Variants in FAM98C observed in about 807,000 individuals in gnomAD.
The protein encoded by FAM98C is tRNA splicing ligase complex subunit 3C, also known as protein FAM98C.
FAM98C carries 38 observed loss-of-function variants against 41.1 expected under a neutral mutation model. That is an observed-to-expected ratio of 0.92 (90% CI 0.71 to 1.21). The LOEUF (loss-of-function observed/expected upper bound fraction) is 1.21, where lower values mean the gene tolerates loss of function less well. Ranked by LOEUF, FAM98C falls within the 50% of genes most tolerant of loss-of-function variation. The probability of loss-of-function intolerance (pLI) is 0.00; values close to 1 mark genes in which losing one functional copy is unlikely to be tolerated. For missense variants in FAM98C, 493 were observed against 484.7 expected (o/e 1.02, Z -0.16); for synonymous variants, 195 against 216.7 (o/e 0.90, Z 0.88).
intron 7 of FAM98C, 179 bp from the exon 8 acceptor site, chr19:38,408,572 G>T: frequency 1.3e-6 from 1 of 745,930 alleles, no homozygotes; most frequent in East Asian, 2.8e-5. Context: ...AAAAAGAAAA[G>T]AAAAAAGAAA....
At chr19:38,403,511 A>C in intron 2 of FAM98C, 25 bp downstream of exon 2, 4 of 1,419,060 alleles carry the variant, frequency 2.8e-6, no homozygotes, top group Non-Finnish European at 3.6e-6. Context: ...GGAGGGTGGC[A>C]GGGGGGCCGC....
rs1243725400 is a variant in FAM98C at position 38,403,142 on chromosome 19, G to GACCA, written c.-11_-8dup. ...CACCGGCCGCCAGGGGGCGCGCCGA[G>GACCA]ACCACACTTTCATGGAGGCGGTGAA... On this transcript the variant is annotated 5_prime_UTR_variant, in exon 1 of 8. Transcript: ENST00000252530. 4.6e-6 allele frequency: 7 copies of GACCA among 1,520,318 alleles called. No homozygotes were observed. Among genetic ancestry groups the GACCA allele is most frequent in the Non-Finnish European group, 4.4e-6 (5 of 1,148,806 alleles). The allele number at this position is 1,520,318 out of a possible 1,614,324, so 94.2% of individuals were successfully genotyped here. A position where few individuals can be genotyped will look rare whatever the true frequency, so the allele number is the denominator to read the frequency against.
At position 38,405,024 on chromosome 19, in the gene FAM98C, G is replaced by C. The variant is rs748878883; in HGVS notation, c.466G>C (p.Glu156Gln). 3 of 1,614,150 alleles carry C rather than the reference G, an allele frequency of 1.9e-6. No individual in the cohort carries two copies. The highest frequency in any genetic ancestry group is 1.3e-5 in the African/African-American group (1 of 75,040). Residue 156 changes from glutamate (E) to glutamine (Q), a missense_variant, in exon 4 of 8, where the codon GAA (glutamate) becomes CAA (glutamine). By Grantham distance (29) the Glu-to-Gln change is conservative. Coordinates refer to ENST00000252530, the MANE Select transcript of FAM98C (RefSeq NM_174905.4). ...AGTGGAGGGAGCCGGCATGGTCCAAGAACTGGACCTTACCCTCCAAGCCCT... is the reference window on the plus strand; with the variant it reads ...AGTGGAGGGAGCCGGCATGGTCCAACAACTGGACCTTACCCTCCAAGCCCT... ...GVVEGAGMVQ[E>Q]LDLTLQALGL...
In FAM98C at chr19:38,403,126, C is replaced by T. The variant is rs745371383; in HGVS notation, c.-28C>T. The T allele has an allele frequency of 3.3e-6, 5 of 1,504,670 alleles. No homozygotes were observed. In the Admixed American group the frequency reaches 1.1e-4, roughly 32 times the overall value. 93.2% of individuals were successfully genotyped at this position (1,504,670 alleles called of 1,614,324 possible). A position where few individuals can be genotyped will look rare whatever the true frequency, so the allele number is the denominator to read the frequency against. On this transcript the variant is annotated 5_prime_UTR_variant, in exon 1 of 8. Transcript: ENST00000252530. ...TTGGGGCGGAGCCTGCCACCGGCCG[C>T]CAGGGGGCGCGCCGAGACCACACTT...
rs114821627 is a variant in FAM98C, at chr19:38,404,063, G to A, written c.349+369G>A. Among the ~76,000 whole-genome samples, 917 of 152,066 alleles carry A rather than the reference G, an allele frequency of 6.0e-3. 11 individuals carry two copies. The highest frequency in any genetic ancestry group is 0.022 in the African/African-American group (893 of 41,468). On this transcript the variant is annotated intron_variant, in intron 3 of 7. Transcript: ENST00000252530. ...TTACAGGCGCGCGACACCACACTCG[G>A]CTATTTTTAGTAGAAACGGGGTTTC...
chr19:38,403,346 G>T lies in FAM98C; in HGVS notation c.74G>T (p.Gly25Val). The change falls in exon 2 of 8, where the codon GGT (glycine) becomes GTT (valine). Residue 25 changes from glycine (G) to valine (V), a missense_variant. Gly to Val is a moderately radical substitution (Grantham distance 109, BLOSUM62 -3). Coordinates refer to ENST00000252530, the MANE Select transcript of FAM98C (RefSeq NM_174905.4). ...TGCCTCGGTCCCCACAGGTATGGAG[G>T]TGTCCCGGGGGCGGCGTCGCGGGGC... ...AQDLLALGYGGVPGAASRGAS... is the reference protein window; with the variant it reads ...AQDLLALGYGVVPGAASRGAS... The T allele has an allele frequency of 6.8e-7, 1 of 1,478,366 alleles. No homozygotes were observed. The highest frequency in any genetic ancestry group is 8.9e-7 in the Non-Finnish European group (1 of 1,129,702). The allele number at this position is 1,478,366 out of a possible 1,614,324, so 91.6% of individuals were successfully genotyped here.
intron 6 of FAM98C, chr19:38,406,688 G>A (rs1449916958): frequency 2.6e-5 from 13 of 500,056 alleles, no homozygotes; most frequent in Non-Finnish European, 4.7e-5. Context: ...AGGAGGCTAA[G>A]GTAGGAGGAT....
chr19:38,408,711 T>C, intron 7 of FAM98C, 40 bp from the exon 8 acceptor site: 4 of 1,614,104 alleles, frequency 2.5e-6, no homozygotes, highest in Non-Finnish European at 2.5e-6. Flanking sequence ...TTGTCCAAGA[T>C]ACTTTTTTTC....
rs1600527652 is a variant in FAM98C, at chr19:38,404,927, C to G, written c.369C>G (p.Leu123=). The change falls in exon 4 of 8, where the codon CTC becomes CTG. Residue 123 remains leucine (L), a synonymous_variant. Coordinates refer to ENST00000252530, the MANE Select transcript of FAM98C (RefSeq NM_174905.4). ...TTTCAGGCTTTCTCTGCTCAGAGCT[C>G]CAAGCCACCCGCCTCCTGTGCCTCC... The part of the protein sequence containing the change: ...LRLLRFLCSE[L]QATRLLCLRS... 3 of 1,614,042 alleles carry G rather than the reference C, an allele frequency of 1.9e-6. No homozygotes were observed. The highest frequency in any genetic ancestry group is 2.2e-5 in the South Asian group (2 of 91,086).
Position 38,405,614 on chromosome 19 carries a change from C to G in FAM98C, c.729C>G (p.Phe243Leu), listed in dbSNP as rs762787816. The G allele has an allele frequency of 1.9e-6, 3 of 1,614,078 alleles. No homozygotes were observed. The Admixed American group carries it at 5.0e-5, about 27-fold the overall frequency. Residue 243 changes from phenylalanine (F) to leucine (L), a missense_variant, in exon 6 of 8, where the codon TTC (phenylalanine) becomes TTG (leucine). Coordinates refer to ENST00000252530, the MANE Select transcript of FAM98C (RefSeq NM_174905.4). ...GCCTTGACCTCACTACATCTGCTTT[C>G]CACTGGAGTGACCGGGCAGAGGTGT... is the stretch of plus-strand genomic sequence containing the variant. ...LKRLDLTTSA[F>L]HWSDRAEAQG...
rs1263200451 is a variant in FAM98C at position 38,405,376 on chromosome 19, G to A, written c.588G>A (p.Gly196=). The A allele has an allele frequency of 1.9e-6, 3 of 1,613,954 alleles. No homozygotes were observed. Among genetic ancestry groups the A allele is most frequent in the Admixed American group, 3.3e-5 (2 of 59,996 alleles). Residue 196 remains glycine (G), a synonymous_variant, in exon 5 of 8, where the codon GGG becomes GGA. Coordinates refer to ENST00000252530, the MANE Select transcript of FAM98C (RefSeq NM_174905.4). ...ISELQPSLPP[G]SLQPLLSCSL... ...AGCTGCAGCCTTCTCTGCCCCCAGG[G>A]TCCCTGCAGCCCCTCCTCAGCTGCT...
intron 7 of FAM98C, 55 bp from the exon 8 acceptor site, chr19:38,408,695 GC>G: frequency 1.2e-6 from 2 of 1,612,030 alleles, no homozygotes; most frequent in East Asian, 2.2e-5. Flanking sequence ...TCGCTCTCTG[GC>G]CCCCTTGTCC....
rs536487743 is a variant in FAM98C at position 38,408,954 on chromosome 19, C to A, written c.*72C>A. 8 of 1,474,816 alleles carry A rather than the reference C, an allele frequency of 5.4e-6. No individual in the cohort carries two copies. In the South Asian group the frequency reaches 1.1e-4, roughly 21 times the overall value. 91.4% of individuals were successfully genotyped at this position (1,474,816 alleles called of 1,614,324 possible). ...TGCTATCGGTAATCTCTGGGGAGTC[C>A]GTTTAAGGCTTTCCTTGGTATTTGG... On this transcript the variant is annotated 3_prime_UTR_variant, in exon 8 of 8. Transcript: ENST00000252530.
chr19:38,405,106 A>T lies in FAM98C; in HGVS notation c.548A>T (p.His183Leu). 2 of 1,610,150 alleles carry T rather than the reference A, an allele frequency of 1.2e-6. No individual in the cohort carries two copies. Among genetic ancestry groups the T allele is most frequent in the Non-Finnish European group, 1.7e-6 (2 of 1,177,400 alleles). Reference sequence around the variant, plus strand: ...GCCAGCCAGCTGCTGCAGGAGTTGCATGCTAAGGTAGAGAGTCAGAGTCCC... The same window carrying T: ...GCCAGCCAGCTGCTGCAGGAGTTGCTTGCTAAGGTAGAGAGTCAGAGTCCC... ...TPASQLLQEL[H>L]AKISELQPSL... Residue 183 changes from histidine (H) to leucine (L), a missense_variant, in exon 4 of 8, where the codon CAT (histidine) becomes CTT (leucine). By Grantham distance (99) the His-to-Leu change is moderately conservative (BLOSUM62 -3). Coordinates refer to ENST00000252530, the MANE Select transcript of FAM98C (RefSeq NM_174905.4).
Position 38,405,357 on chromosome 19 carries a change from A to G in FAM98C, c.569A>G (p.Gln190Arg). ...TTCTCCCATCAGATCTCAGAGCTGC[A>G]GCCTTCTCTGCCCCCAGGGTCCCTG... ...QELHAKISEL[Q>R]PSLPPGSLQP... The change falls in exon 5 of 8, where the codon CAG becomes CGG. Residue 190 changes from glutamine to arginine, a missense_variant. Transcript: ENST00000252530. 1 of 1,613,960 alleles carries G rather than the reference A, an allele frequency of 6.2e-7. No homozygotes were observed. Among genetic ancestry groups the G allele is most frequent in the East Asian group, 2.2e-5 (1 of 44,878 alleles).
In FAM98C at chr19:38,408,899, G is replaced by A. The variant is rs202085765; in HGVS notation, c.*17G>A. ...AAGAAGTAAAGGGGGACTGGTGGTC[G>A]GGGGCGGGGGGTCCTCCATGAGATG... On this transcript the variant is annotated 3_prime_UTR_variant, in exon 8 of 8. Transcript: ENST00000252530. The A allele has an allele frequency of 3.4e-5, 52 of 1,546,074 alleles. No homozygotes were observed. In the Admixed American group the frequency reaches 8.1e-4, roughly 24 times the overall value.
At chr19:38,403,258 C>G in intron 1 of FAM98C, 40 bp downstream of exon 1, 1 of 1,541,918 alleles carries the variant, frequency 6.5e-7, no homozygotes, top group Non-Finnish European at 8.7e-7. Flanking sequence ...TGCAGGAAGG[C>G]CAGGTCTGCC....
At position 38,408,916 on chromosome 19, in the gene FAM98C, C is replaced by A; in HGVS notation, c.*34C>A. 1 of 1,536,552 alleles carries A rather than the reference C, an allele frequency of 6.5e-7. No homozygotes were observed. The highest frequency in any genetic ancestry group is 8.7e-7 in the Non-Finnish European group (1 of 1,147,538). On this transcript the variant is annotated 3_prime_UTR_variant, in exon 8 of 8. Coordinates refer to ENST00000252530, the MANE Select transcript of FAM98C (RefSeq NM_174905.4). ...TGGTGGTCGGGGGCGGGGGGTCCTC[C>A]ATGAGATGCTAATGCTATCGGTAAT...
intron 7 of FAM98C, 96 bp from the exon 8 acceptor site, chr19:38,408,655 T>G: frequency 6.6e-7 from 1 of 1,524,032 alleles, no homozygotes; most frequent in Non-Finnish European, 9.1e-7. Context: ...CAACATCTGC[T>G]GTTTCTTCTT....
Sources: allele counts gnomAD v4.1 joint callset (sites outside exome capture counted in the v4.1 genomes callset), GRCh38; gene constraint gnomAD v4.1.1; transcripts MANE v1.5; gene names NCBI Gene and HGNC (gene_info 2026-07-23, HGNC 2026-07-21).